DCP2: variants seen among roughly 807,000 people sequenced by gnomAD.
DCP2 encodes m7GpppN-mRNA hydrolase.
Under a neutral mutation model 56.1 loss-of-function variants are expected in DCP2, and 30 were observed. The observed-to-expected ratio is 0.53, with a 90% confidence interval of 0.40 to 0.73. The LOEUF is 0.73. Among genes scored for constraint, DCP2 ranks in the 30% least tolerant of loss-of-function variants. DCP2 has a pLI of 0.00. For synonymous variants in DCP2, 197 were observed against 163.3 expected, an observed-to-expected ratio of 1.21 and a Z score of -1.57; for missense variants, 533 against 502.7, an observed-to-expected ratio of 1.06 and a Z score of -0.58.
At position 113,013,682 on chromosome 5, in the gene DCP2, TTTACC is replaced by T. The variant is rs1749772169; in HGVS notation, c.*201_*205del. 3.7e-6 allele frequency: 2 copies of T among 534,494 alleles called. No individual in the cohort carries two copies. Among genetic ancestry groups the T allele is most frequent in the African/African-American group, 3.8e-5 (2 of 52,544 alleles). 33.1% of individuals were successfully genotyped at this position (534,494 alleles called of 1,614,324 possible). On this transcript the variant is annotated 3_prime_UTR_variant, in exon 11 of 11. Coordinates refer to ENST00000389063, the MANE Select transcript of DCP2 (RefSeq NM_152624.6). ...ATGCAGTTATAACCTTTTATACAGA[TTTACC>T]TTTTCAGTGTTCAGTACAAGTTTAA...
intron 2 of DCP2, among the ~76,000 whole-genome samples, chr5:112,991,771 C>A (rs908584863): frequency 1.3e-5 from 2 of 152,072 alleles, no homozygotes; most frequent in Non-Finnish European, 2.9e-5. Context: ...ACTCACTTAA[C>A]GAGAAATGTT....
chr5:112,976,899 G>T lies in DCP2; in HGVS notation c.-35G>T, dbSNP rs1747730191. On this transcript the variant is annotated 5_prime_UTR_variant, in exon 1 of 11. Transcript: ENST00000389063. ...TACCGTCAGTCCCCGGCCGCGCGGA[G>T]CCGGGATGCACTGTTCCTGCTGTGG... 1 of 1,612,666 alleles carries T rather than the reference G, an allele frequency of 6.2e-7. No individual in the cohort carries two copies.
chr5:112,986,370 T>C lies in DCP2; in HGVS notation c.205+384T>C, dbSNP rs951258732. ...TTTTTTTTTAAGAGACAGGATCTTA[T>C]TCTGTCGCTCAGGCTGAAGTGCAGT... On this transcript the variant is annotated intron_variant, in intron 2 of 10. Coordinates refer to ENST00000389063, the MANE Select transcript of DCP2 (RefSeq NM_152624.6). 2.6e-5 allele frequency among the ~76,000 whole-genome samples: 4 copies of C among 151,984 alleles called. No individual in the cohort carries two copies. The East Asian group carries it at 5.8e-4, about 22-fold the overall frequency.
rs536144862 is a variant in DCP2 at position 113,018,855 on chromosome 5, T to G, written c.*5371T>G. On this transcript the variant is annotated 3_prime_UTR_variant, in exon 11 of 11. Transcript: ENST00000389063. ...CTTTATAGCAAACCTGCCACAGACTTGCAAGCAGTGATTTTATCTTTCCTT... is the reference window on the plus strand; with the variant it reads ...CTTTATAGCAAACCTGCCACAGACTGGCAAGCAGTGATTTTATCTTTCCTT... 1 of 152,350 alleles carries G rather than the reference T, an allele frequency of 6.6e-6. No homozygotes were observed. Among genetic ancestry groups the G allele is most frequent in the African/African-American group, 2.4e-5 (1 of 41,578 alleles). The allele number at this position is 152,350 out of a possible 1,614,324, so 9.4% of individuals were successfully genotyped here.
intron 10 of DCP2, among the ~76,000 whole-genome samples, chr5:113,011,301 G>GGT (rs572605906): frequency 1.3e-5 from 2 of 152,142 alleles, no homozygotes; most frequent in Non-Finnish European, 2.9e-5. Flanking sequence ...AACTTTTTAA[G>GGT]GTGATACTAA....
intron 2 of DCP2, among the ~76,000 whole-genome samples, chr5:112,987,979 T>A (rs1338214008): frequency 6.6e-6 from 1 of 152,158 alleles, no homozygotes; most frequent in African/African-American, 2.4e-5. Context: ...ACCCACAAGT[T>A]CGTGTACTAG....
At chr5:113,000,844 A>G (rs77069866) in intron 4 of DCP2, among the ~76,000 whole-genome samples, 2,596 of 152,346 alleles carry the variant, frequency 0.017, 73 homozygotes, top group African/African-American at 0.059. Context: ...GTCAGCAATC[A>G]GGTCTACAGT....
At chr5:112,993,954 TTTTA>T (rs547535354) in intron 4 of DCP2, among the ~76,000 whole-genome samples, 3 of 151,458 alleles carry the variant, frequency 2.0e-5, no homozygotes, top group African/African-American at 2.4e-5. Context: ...TAGTTTTAAT[TTTTA>T]TTTATTTATT....
chr5:113,007,842 A>G lies in DCP2; in HGVS notation c.943-96A>G, dbSNP rs535533416. On this transcript the variant is annotated intron_variant, in intron 8 of 10. Transcript: ENST00000389063. Reference sequence around the variant, plus strand: ...TTGGGTAGGAGAAGCTTTGCTAAAAACTTGGTTCAACCAGCTAAACATATT... The same window carrying G: ...TTGGGTAGGAGAAGCTTTGCTAAAAGCTTGGTTCAACCAGCTAAACATATT... 3.7e-6 allele frequency: 4 copies of G among 1,079,078 alleles called. No individual in the cohort carries two copies. In the South Asian group the frequency reaches 5.4e-5, roughly 14 times the overall value. The allele number at this position is 1,079,078 out of a possible 1,614,324, so 66.8% of individuals were successfully genotyped here.
chr5:112,980,804 C>T lies in DCP2; in HGVS notation c.53+3818C>T, dbSNP rs561351517. Among the ~76,000 whole-genome samples the T allele has an allele frequency of 3.9e-5, 6 of 152,020 alleles. No homozygotes were observed. The South Asian group carries it at 1.2e-3, about 32-fold the overall frequency. On this transcript the variant is annotated intron_variant, in intron 1 of 10. Transcript: ENST00000389063. ...ATTCCTGTTGAGGCATTGACTTTTA[C>T]TTGTTTTGTTTTGAGTTCTTCTGGT...
Position 113,004,818 on chromosome 5 carries a change from T to A in DCP2, c.942+741T>A, listed in dbSNP as rs202029914. On this transcript the variant is annotated intron_variant, in intron 8 of 10. Transcript: ENST00000389063. ...CAGGTTTCAATGTTACTTTTTTTTT[T>A]TTTTTATTTTAAAAATATACTGGGC... 2.6e-5 allele frequency among the ~76,000 whole-genome samples: 4 copies of A among 152,094 alleles called. 1 individual carries two copies. The highest frequency in any genetic ancestry group is 4.2e-4 in the South Asian group (2 of 4,812).
chr5:112,979,984 T>G (rs1036820158), intron 1 of DCP2, among the ~76,000 whole-genome samples: 1 of 151,898 alleles, frequency 6.6e-6, no homozygotes, highest in African/African-American at 2.4e-5. Context: ...CTGAGTGGAG[T>G]AGAATTAGAG....
At chr5:113,005,388 A>G (rs1400000807) in intron 8 of DCP2, among the ~76,000 whole-genome samples, 1 of 151,816 alleles carries the variant, frequency 6.6e-6, no homozygotes, top group African/African-American at 2.4e-5. Flanking sequence ...AGATATGCAA[A>G]TGGCTCAACA....
At chr5:112,977,007 C>G (rs1000688067) in intron 1 of DCP2, 21 bp downstream of exon 1, 3 of 1,496,452 alleles carry the variant, frequency 2.0e-6, no homozygotes, top group East Asian at 5.1e-5. Flanking sequence ...ACCCGACCCC[C>G]TTTCGCCCCC....
At chr5:112,988,494 T>TA (rs368124032) in intron 2 of DCP2, among the ~76,000 whole-genome samples, 4,613 of 82,516 alleles carry the variant, frequency 0.056, 229 homozygotes, top group African/African-American at 0.14. Flanking sequence ...TGTGTCTTAA[T>TA]AAAAAAAAAA....
intron 2 of DCP2, among the ~76,000 whole-genome samples, chr5:112,990,388 G>C (rs1161572591): frequency 2.0e-5 from 3 of 152,170 alleles, no homozygotes; most frequent in Non-Finnish European, 4.4e-5. Flanking sequence ...CGTGGATACA[G>C]ACAAGAGTAT....
intron 8 of DCP2, among the ~76,000 whole-genome samples, 198 bp from the exon 9 acceptor site, chr5:113,007,740 A>G (rs1382330969): frequency 1.3e-5 from 2 of 152,198 alleles, no homozygotes; most frequent in African/African-American, 2.4e-5. Context: ...TTGCTATTTC[A>G]TACCTTTAGA....
At position 113,001,658 on chromosome 5, in the gene DCP2, A is replaced by G. The variant is rs946516933; in HGVS notation, c.790A>G (p.Thr264Ala). Residue 264 changes from threonine (T) to alanine (A), a missense_variant, in exon 7 of 11, where the codon ACT (threonine) becomes GCT (alanine). Thr to Ala is a moderately conservative substitution (Grantham distance 58). Transcript: ENST00000389063. ...SSTGSTPAKP[T>A]VEKLSRTKFR... ...AACTGGTAGCACGCCGGCTAAACCC[A>G]CTGTGGAAAAATTGAGGTAAAGAAA... The G allele has an allele frequency of 1.2e-6, 2 of 1,613,906 alleles. No homozygotes were observed. Among genetic ancestry groups the G allele is most frequent in the Admixed American group, 1.7e-5 (1 of 59,976 alleles).
intron 9 of DCP2, among the ~76,000 whole-genome samples, chr5:113,009,020 G>C (rs953302560): frequency 1.3e-5 from 2 of 151,694 alleles, no homozygotes; most frequent in African/African-American, 4.8e-5. Context: ...ATTTTTTTTT[G>C]TATTTTAGTA....
Sources: allele counts gnomAD v4.1 joint callset (sites outside exome capture counted in the v4.1 genomes callset), GRCh38; gene constraint gnomAD v4.1.1; transcripts MANE v1.5; gene names NCBI Gene and HGNC (gene_info 2026-07-23, HGNC 2026-07-21).